Variants in CNKSR2 observed in about 807,000 individuals in gnomAD.
The protein encoded by CNKSR2 is connector enhancer of kinase suppressor of Ras 2.
In CNKSR2, 14 loss-of-function variants were observed where a neutral mutation model predicts 84.4. The observed-to-expected ratio is 0.17, with a 90% CI of 0.11 to 0.26. The LOEUF (loss-of-function observed/expected upper bound fraction) is 0.26, where lower values mean the gene tolerates loss of function less well. Among genes scored for constraint, CNKSR2 ranks in the 10% least tolerant of loss-of-function variants. CNKSR2 has a pLI of 1.00. For synonymous variants in CNKSR2, 275 were observed against 277.9 expected, an observed-to-expected ratio of 0.99 and a Z score of 0.10; for missense variants, 485 against 771.2, an observed-to-expected ratio of 0.63 and a Z score of 4.40.
At chrX:21,524,480 A>G (rs1197025869) in intron 9 of CNKSR2, among the ~76,000 whole-genome samples, 1 of 111,131 alleles carries the variant, frequency 9.0e-6, no homozygotes, top group African/African-American at 3.2e-5. Flanking sequence ...CTAGAGAAAT[A>G]GCAGTTTGAA....
At chrX:21,377,028 A>G (rs2089827852) in intron 1 of CNKSR2, among the ~76,000 whole-genome samples, 1 of 112,561 alleles carries the variant, frequency 8.9e-6, no homozygotes, top group South Asian at 3.7e-4. Context: ...GTTAGCTGTG[A>G]TTTGAAAATT....
intron 3 of CNKSR2, among the ~76,000 whole-genome samples, chrX:21,439,567 G>A (rs1464267692): frequency 9.0e-6 from 1 of 110,648 alleles, no homozygotes; most frequent in African/African-American, 3.3e-5. Flanking sequence ...TCCTCTTAAT[G>A]ATAAGAGCAG....
At chrX:21,413,804 A>AATATT (rs1205833824) in intron 1 of CNKSR2, among the ~76,000 whole-genome samples, 1 of 111,101 alleles carries the variant, frequency 9.0e-6, no homozygotes, top group African/African-American at 3.3e-5. Context: ...TTTATGGCTG[A>AATATT]ATATTACTCC....
intron 20 of CNKSR2, among the ~76,000 whole-genome samples, chrX:21,640,841 C>T (rs1420095314): frequency 8.9e-6 from 1 of 112,444 alleles, no homozygotes; most frequent in Non-Finnish European, 1.9e-5. Flanking sequence ...TCAGGTCATT[C>T]AGAAACATCC....
At chrX:21,479,015 G>A (rs1052307447) in intron 5 of CNKSR2, among the ~76,000 whole-genome samples, 1 of 111,460 alleles carries the variant, frequency 9.0e-6, no homozygotes, top group Middle Eastern at 4.2e-3. Context: ...CCTGAATGGC[G>A]TACATTGTAA....
At chrX:21,619,348 A>T (rs1238935493) in intron 20 of CNKSR2, among the ~76,000 whole-genome samples, 2 of 112,344 alleles carry the variant, frequency 1.8e-5, no homozygotes, top group Admixed American at 1.9e-4. Flanking sequence ...GCCTATTAAT[A>T]TAGGGAATAT....
chrX:21,488,948 A>G (rs750958505), intron 5 of CNKSR2, among the ~76,000 whole-genome samples: 7 of 111,459 alleles, frequency 6.3e-5, no homozygotes, highest in South Asian at 3.8e-4. Flanking sequence ...TCTGAGGCTC[A>G]CCTGAGACAA....
intron 1 of CNKSR2, among the ~76,000 whole-genome samples, chrX:21,383,506 A>C: frequency 8.9e-6 from 1 of 112,443 alleles, no homozygotes; most frequent in Non-Finnish European, 1.9e-5. Flanking sequence ...GTTTGTCATG[A>C]TAAAAATATT....
At chrX:21,560,570 G>A (rs2092179336) in intron 11 of CNKSR2, among the ~76,000 whole-genome samples, 1 of 111,026 alleles carries the variant, frequency 9.0e-6, no homozygotes, top group Non-Finnish European at 1.9e-5. Flanking sequence ...TTATTTGTAT[G>A]ATCCAGTCCT....
chrX:21,511,376 A>G lies in CNKSR2; in HGVS notation c.811-5109A>G, dbSNP rs2091669357. 4.5e-5 allele frequency among the ~76,000 whole-genome samples: 5 copies of G among 111,308 alleles called. No individual in the cohort carries two copies. The South Asian group carries it at 1.9e-3, about 42-fold the overall frequency. On this transcript the variant is annotated intron_variant, in intron 8 of 21. Transcript: ENST00000379510. ...TATTACATATAAAAAATATTTTAAT[A>G]CTATATCTTGGTTTTATGTACAAAA...
At chrX:21,570,020 C>G (rs1035211381) in intron 13 of CNKSR2, among the ~76,000 whole-genome samples, 1 of 111,947 alleles carries the variant, frequency 8.9e-6, no homozygotes, top group Non-Finnish European at 1.9e-5. Flanking sequence ...AATTTAGCAT[C>G]GTTCTCAAGG....
chrX:21,541,787 A>G (rs894181446), intron 11 of CNKSR2, among the ~76,000 whole-genome samples: 1 of 112,157 alleles, frequency 8.9e-6, no homozygotes, highest in Non-Finnish European at 1.9e-5. Flanking sequence ...CAGATGAGAA[A>G]TCTAAAAAAC....
intron 8 of CNKSR2, among the ~76,000 whole-genome samples, chrX:21,509,104 C>A (rs893594729): frequency 8.9e-6 from 1 of 112,015 alleles, no homozygotes; most frequent in African/African-American, 3.2e-5. Flanking sequence ...CATATTTATA[C>A]ACACACATTA....
chrX:21,394,294 C>T (rs2090091349), intron 1 of CNKSR2, among the ~76,000 whole-genome samples: 1 of 111,387 alleles, frequency 9.0e-6, no homozygotes, highest in Admixed American at 9.5e-5. Flanking sequence ...ATATAGCTCA[C>T]ATGTGTTTGC....
chrX:21,629,010 C>A (rs767396944), intron 20 of CNKSR2, among the ~76,000 whole-genome samples: 1 of 112,495 alleles, frequency 8.9e-6, no homozygotes, highest in Admixed American at 9.4e-5. Flanking sequence ...CAAGTGACTT[C>A]TTGAATGCTT....
intron 13 of CNKSR2, among the ~76,000 whole-genome samples, chrX:21,585,246 A>G (rs2092378804): frequency 9.6e-6 from 1 of 104,341 alleles, no homozygotes; most frequent in South Asian, 4.1e-4. Context: ...TCTCAAGATA[A>G]ATATATATAA....
chrX:21,561,000 G>A (rs1222034938), intron 11 of CNKSR2, among the ~76,000 whole-genome samples: 1 of 110,190 alleles, frequency 9.1e-6, no homozygotes, highest in Non-Finnish European at 1.9e-5. Flanking sequence ...GGGAAGCAGC[G>A]AAGATAAAAA....
chrX:21,566,309 C>T (rs2147197407), intron 13 of CNKSR2, among the ~76,000 whole-genome samples: 1 of 112,113 alleles, frequency 8.9e-6, no homozygotes, highest in South Asian at 3.7e-4. Context: ...AATGCTTGGA[C>T]CTTGGAGACA....
intron 4 of CNKSR2, among the ~76,000 whole-genome samples, chrX:21,460,424 C>A (rs1006753664): frequency 9.0e-6 from 1 of 111,144 alleles, no homozygotes; most frequent in African/African-American, 3.3e-5. Flanking sequence ...TTTGTGGATA[C>A]GTAGTAAGCA....
Sources: gnomAD v4.1 joint callset for allele counts (sites outside exome capture counted in the v4.1 genomes callset) on GRCh38, gnomAD v4.1.1 for gene constraint, MANE v1.5 for transcripts, NCBI Gene and HGNC (gene_info 2026-07-23, HGNC 2026-07-21) for gene names.